Variants in TNS1 observed in about 807,000 individuals in gnomAD.
TNS1 encodes the protein tensin 1.
A neutral mutation model predicts 168.6 loss-of-function variants in TNS1; 62 were observed. The observed-to-expected ratio is 0.37, with a 90% CI of 0.30 to 0.45. The LOEUF is 0.45. TNS1 is among the 20% of genes least tolerant of loss of function. TNS1 has a pLI of 1.00. For synonymous variants in TNS1, 934 were observed against 933.2 expected (o/e 1.00, Z -0.02); for missense variants, 2,240 against 2,339.4 (o/e 0.96, Z 0.88).
intron 4 of TNS1, among the ~76,000 whole-genome samples, chr2:217,909,793 T>G (rs1954152262): frequency 6.6e-6 from 1 of 152,164 alleles, no homozygotes; most frequent in South Asian, 2.1e-4. Flanking sequence ...CTAAAAGGCC[T>G]TGGCAGCAGA....
At chr2:217,973,225 C>T (rs1446441555) in intron 3 of TNS1, among the ~76,000 whole-genome samples, 3 of 151,868 alleles carry the variant, frequency 2.0e-5, no homozygotes, top group Non-Finnish European at 4.4e-5. Flanking sequence ...GGTGTGGTGG[C>T]GCACACTGCA....
At chr2:217,992,070 C>G (rs77194051) in intron 1 of TNS1, among the ~76,000 whole-genome samples, 8,037 of 152,126 alleles carry the variant, frequency 0.053, 625 homozygotes, top group African/African-American at 0.17. Flanking sequence ...TGGGAACATG[C>G]TCTAAGATGC....
intron 19 of TNS1, among the ~76,000 whole-genome samples, chr2:217,837,448 C>T (rs957663329): frequency 2.0e-5 from 3 of 152,350 alleles, no homozygotes; most frequent in African/African-American, 4.8e-5. Flanking sequence ...GCCAAGCCTA[C>T]GGGCAGACAC....
At chr2:217,944,268 CAGG>C (rs1283932253) in intron 3 of TNS1, 3 of 152,414 alleles carry the variant, frequency 2.0e-5, no homozygotes, top group Admixed American at 2.0e-4. Context: ...ACACCTGGGG[CAGG>C]AGATCACCAG....
intron 3 of TNS1, among the ~76,000 whole-genome samples, chr2:217,934,942 G>A (rs906850709): frequency 1.8e-4 from 27 of 152,198 alleles, no homozygotes; most frequent in Admixed American, 7.9e-4. Flanking sequence ...CCCCTAACTC[G>A]AACTTCTCAT....
At position 218,025,393 on chromosome 2, in the gene TNS1, C is replaced by A. The variant is rs113910609; in HGVS notation, c.156+8427G>T. On this transcript the variant is annotated intron_variant, in intron 1 of 1. Coordinates refer to the TNS1 transcript ENST00000649572. Reference sequence around the variant, plus strand: ...CCTCCCGAGTTGTTGGTATGACAGGCGTGCACCACCATGCCCAGCTAACTT... The same window carrying A: ...CCTCCCGAGTTGTTGGTATGACAGGAGTGCACCACCATGCCCAGCTAACTT... Among the ~76,000 whole-genome samples the A allele has an allele frequency of 8.7e-3, 1,325 of 152,202 alleles. 18 individuals carry two copies. The highest frequency in any genetic ancestry group is 0.03 in the African/African-American group (1,259 of 41,510).
At chr2:217,859,666 C>T (rs774362788) in intron 18 of TNS1, 8 of 1,536,308 alleles carry the variant, frequency 5.2e-6, no homozygotes, top group Non-Finnish European at 6.1e-6. Context: ...GAGATGCTTC[C>T]AATTGACTGG....
At chr2:217,951,601 G>A (rs980293718) in intron 3 of TNS1, among the ~76,000 whole-genome samples, 1 of 152,114 alleles carries the variant, frequency 6.6e-6, no homozygotes, top group Non-Finnish European at 1.5e-5. Flanking sequence ...CAGCATATCA[G>A]GGCTCTCCTT....
intron 3 of TNS1, among the ~76,000 whole-genome samples, chr2:217,931,557 C>T (rs894973952): frequency 1.1e-4 from 16 of 152,202 alleles, no homozygotes; most frequent in Non-Finnish European, 1.5e-4. Flanking sequence ...CCCACACAGA[C>T]ATCAGCCCCT....
intron 8 of TNS1, among the ~76,000 whole-genome samples, chr2:217,895,259 GGACCTCCTGT>G (rs1308645393): frequency 2.0e-5 from 3 of 152,174 alleles, no homozygotes; most frequent in Non-Finnish European, 4.4e-5. Context: ...TGAGCTCCCT[GGACCTCCTGT>G]GCCTGCTCTC....
intron 19 of TNS1, among the ~76,000 whole-genome samples, chr2:217,843,475 T>A (rs1218903840): frequency 6.6e-5 from 10 of 152,128 alleles, no homozygotes; most frequent in Admixed American, 6.6e-4. Context: ...CTCTCCTCTC[T>A]TATCACAAAA....
intron 9 of TNS1, among the ~76,000 whole-genome samples, chr2:217,894,123 C>G (rs1219294480): frequency 1.3e-5 from 2 of 152,202 alleles, no homozygotes; most frequent in Non-Finnish European, 2.9e-5. Context: ...CAGACCTGAA[C>G]AGCAGGCTTC....
intron 2 of TNS1, among the ~76,000 whole-genome samples, chr2:217,988,033 C>T (rs186785646): frequency 5.9e-5 from 9 of 152,340 alleles, no homozygotes; most frequent in Non-Finnish European, 1.0e-4. Flanking sequence ...TTTGCTGAGG[C>T]TGCACACATG....
In TNS1 at chr2:217,848,720, G is replaced by A; in HGVS notation, c.1797C>T (p.Pro599=). 1.2e-6 allele frequency: 2 copies of A among 1,614,244 alleles called. No individual in the cohort carries two copies. Among genetic ancestry groups the A allele is most frequent in the Non-Finnish European group, 1.7e-6 (2 of 1,180,038 alleles). ...RSRPAGGSAV[P]SSGRHVVPAQ... ...CTGGGACAACGTGGCGTCCAGAGGA[G>A]GGCACAGCCGAGCCCCCTGCTGGGC... Residue 599 remains proline (P), a synonymous_variant, in exon 19 of 33, where the codon CCC becomes CCT. Coordinates refer to ENST00000682258, the MANE Select transcript of TNS1 (RefSeq NM_001387777.1).
At position 218,033,157 on chromosome 2, in the gene TNS1, C is replaced by T. The variant is rs943625085; in HGVS notation, c.156+663G>A. On this transcript the variant is annotated intron_variant, in intron 1 of 1. Transcript: ENST00000649572. The surrounding 1 kb of genome is among the most constrained non-coding windows in gnomAD (Gnocchi z 4.3). The stretch of plus-strand genomic sequence containing the variant: ...GGGACCTAGAGAGGAGTTACCCATC[C>T]CTGGTGACCCCAAACACCTCCTCCT... Among the ~76,000 whole-genome samples the T allele has an allele frequency of 2.0e-5, 3 of 152,126 alleles. No individual in the cohort carries two copies. The highest frequency in any genetic ancestry group is 6.5e-5 in the Admixed American group (1 of 15,270).
intron 3 of TNS1, among the ~76,000 whole-genome samples, chr2:217,933,331 G>C (rs1004343671): frequency 2.6e-5 from 4 of 152,194 alleles, no homozygotes; most frequent in African/African-American, 9.6e-5. Flanking sequence ...GCTGGCATCA[G>C]CTAAAGACCC....
At chr2:217,960,724 T>A (rs1332650972) in intron 3 of TNS1, among the ~76,000 whole-genome samples, 1 of 152,138 alleles carries the variant, frequency 6.6e-6, no homozygotes, top group Non-Finnish European at 1.5e-5. Flanking sequence ...AGCTGCTCCT[T>A]CAGTCCCCTG....
intron 19 of TNS1, 90 bp from the exon 20 acceptor site, chr2:217,836,301 C>A: frequency 7.6e-7 from 1 of 1,313,450 alleles, no homozygotes. Flanking sequence ...GGCAGTGCCT[C>A]CTAGCTCAGA....
At chr2:217,980,586 A>C (rs1304820841) in intron 2 of TNS1, among the ~76,000 whole-genome samples, 1 of 151,238 alleles carries the variant, frequency 6.6e-6, no homozygotes, top group East Asian at 1.9e-4. Context: ...ACGTTTGCTG[A>C]GTTGGACCTG....
Sources: allele counts gnomAD v4.1 joint callset (sites outside exome capture counted in the v4.1 genomes callset), GRCh38; gene constraint gnomAD v4.1.1; non-coding constraint Gnocchi (gnomAD v3.1); transcripts MANE v1.5; gene names NCBI Gene and HGNC (gene_info 2026-07-23, HGNC 2026-07-21).